The following DACH1 variants were observed in gnomAD, a reference collection of about 807,000 sequenced individuals.
DACH1 encodes dachshund homolog 1.
Under a neutral mutation model 54.2 loss-of-function variants are expected in DACH1, and 12 were observed. That is an observed-to-expected ratio of 0.22 (90% CI 0.14 to 0.36). The LOEUF (loss-of-function observed/expected upper bound fraction) is 0.36, where lower values mean the gene tolerates loss of function less well. Among genes scored for constraint, DACH1 ranks in the 10% least tolerant of loss-of-function variants. The pLI, the probability that DACH1 is intolerant of heterozygous loss-of-function variation, is 1.00. For synonymous variants in DACH1, 386 were observed against 366.2 expected (o/e 1.05, Z -0.62); for missense variants, 805 against 929.8 (o/e 0.87, Z 1.75).
Position 71,557,050 on chromosome 13 carries a change from T to G in DACH1, c.1544A>C (p.Glu515Ala). ...TTTTTCAATATGCATCCTTTTTGAC[T>G]CATGTCCCATGTCATGACCGGCCAA... The part of the protein sequence containing the change: ...GDLAGHDMGH[E>A]SKRMHIEKDE... The change falls in exon 6 of 11, where the codon GAG (glutamate) becomes GCG (alanine). Residue 515 changes from glutamate (E) to alanine (A), a missense_variant. Glu to Ala is a moderately radical substitution (Grantham distance 107). Coordinates refer to ENST00000613252, the MANE Select transcript of DACH1 (RefSeq NM_080759.6). 2 of 1,608,578 alleles carry G rather than the reference T, an allele frequency of 1.2e-6. No homozygotes were observed. The highest frequency in any genetic ancestry group is 1.7e-6 in the Non-Finnish European group (2 of 1,177,634).
intron 6 of DACH1, among the ~76,000 whole-genome samples, chr13:71,521,575 TA>T (rs1408602203): frequency 7.2e-5 from 11 of 152,066 alleles, no homozygotes; most frequent in Non-Finnish European, 1.0e-4. Context: ...AGGTAACTGT[TA>T]TTCCTATATG....
chr13:71,814,430 G>A (rs1887833416), intron 1 of DACH1, among the ~76,000 whole-genome samples: 1 of 152,138 alleles, frequency 6.6e-6, no homozygotes, highest in South Asian at 2.1e-4. Flanking sequence ...GGTATAAAGA[G>A]ATAATATTTT....
intron 2 of DACH1, among the ~76,000 whole-genome samples, chr13:71,672,441 G>A (rs1407707582): frequency 6.6e-6 from 1 of 152,046 alleles, no homozygotes; most frequent in African/African-American, 2.4e-5. Context: ...ACAAAGGACA[G>A]AGTAAAGTTC....
chr13:71,502,883 C>A (rs1253395357), intron 6 of DACH1, among the ~76,000 whole-genome samples: 1 of 152,212 alleles, frequency 6.6e-6, no homozygotes, highest in Non-Finnish European at 1.5e-5. Flanking sequence ...GACTACTTTG[C>A]TCTGATAAGC....
intron 1 of DACH1, among the ~76,000 whole-genome samples, chr13:71,864,214 C>CACACACACACACACACACA (rs35136330): frequency 8.8e-5 from 10 of 113,336 alleles, no homozygotes; most frequent in African/African-American, 3.7e-4. Flanking sequence ...CACACACACA[C>CACACACACACACACACACA]AACATTTACC....
intron 1 of DACH1, among the ~76,000 whole-genome samples, chr13:71,800,932 T>C (rs1467471241): frequency 6.6e-6 from 1 of 152,064 alleles, no homozygotes; most frequent in Non-Finnish European, 1.5e-5. Flanking sequence ...TAATATCCTG[T>C]GAACAAATTA....
chr13:71,860,202 G>A (rs745553488), intron 1 of DACH1, among the ~76,000 whole-genome samples: 2 of 150,526 alleles, frequency 1.3e-5, no homozygotes, highest in East Asian at 3.9e-4. Context: ...ATAATATGTA[G>A]TATTTAGACA....
At chr13:71,613,505 A>G (rs1167922381) in intron 3 of DACH1, among the ~76,000 whole-genome samples, 4 of 152,204 alleles carry the variant, frequency 2.6e-5, no homozygotes, top group Non-Finnish European at 5.9e-5. Context: ...GGATTTAAAA[A>G]GACAAGGAGT....
At chr13:71,629,787 C>T (rs551851465) in intron 3 of DACH1, among the ~76,000 whole-genome samples, 3 of 152,156 alleles carry the variant, frequency 2.0e-5, no homozygotes, top group South Asian at 4.2e-4. Context: ...TGAGCATGGT[C>T]ACTGTATTTT....
chr13:71,621,810 G>A (rs989107512), intron 3 of DACH1, among the ~76,000 whole-genome samples: 4 of 151,998 alleles, frequency 2.6e-5, no homozygotes, highest in East Asian at 3.9e-4. Flanking sequence ...AACCGTATCC[G>A]TTTCATTAGT....
Position 71,765,610 on chromosome 13 carries a change from T to C in DACH1, c.849-83700A>G, listed in dbSNP as rs145068506. 3.2e-3 allele frequency among the ~76,000 whole-genome samples: 482 copies of C among 152,262 alleles called. 1 individual carries two copies. The highest frequency in any genetic ancestry group is 0.01 in the African/African-American group (433 of 41,554). On this transcript the variant is annotated intron_variant, in intron 1 of 10. Coordinates refer to ENST00000613252, the MANE Select transcript of DACH1 (RefSeq NM_080759.6). ...ATAAATGAGAGCCATTATTATCTGG[T>C]TCCTGCCCATTTCTCCAGCCATCTT... is the stretch of plus-strand genomic sequence containing the variant.
chr13:71,558,357 G>T (rs553281570), intron 5 of DACH1, among the ~76,000 whole-genome samples: 1 of 152,004 alleles, frequency 6.6e-6, no homozygotes, highest in South Asian at 2.1e-4. Flanking sequence ...GTATGTGTGT[G>T]GATGTGGATG....
At chr13:71,612,695 A>C (rs536207798) in intron 3 of DACH1, among the ~76,000 whole-genome samples, 2 of 152,354 alleles carry the variant, frequency 1.3e-5, no homozygotes, top group East Asian at 3.9e-4. Context: ...AAGAATAAGT[A>C]AATGTAGACG....
intron 6 of DACH1, among the ~76,000 whole-genome samples, chr13:71,509,841 A>G (rs1193218846): frequency 6.6e-6 from 1 of 152,046 alleles, no homozygotes; most frequent in Non-Finnish European, 1.5e-5. Context: ...CGTTCCTTCT[A>G]ATTATTGTTC....
At chr13:71,622,012 A>G (rs2138544999) in intron 3 of DACH1, among the ~76,000 whole-genome samples, 1 of 152,106 alleles carries the variant, frequency 6.6e-6, no homozygotes, top group South Asian at 2.1e-4. Context: ...ATCTGGGTTC[A>G]TTTAGTGGGG....
chr13:71,744,372 T>C (rs964538607), intron 1 of DACH1, among the ~76,000 whole-genome samples: 1 of 152,166 alleles, frequency 6.6e-6, no homozygotes, highest in East Asian at 1.9e-4. Context: ...AAGAAAGACA[T>C]ACACAAACTA....
chr13:71,655,832 T>A (rs990361281), intron 2 of DACH1, among the ~76,000 whole-genome samples: 1 of 152,234 alleles, frequency 6.6e-6, no homozygotes, highest in Middle Eastern at 3.2e-3. Flanking sequence ...GTTGGTGTTT[T>A]AATTTTGTTC....
At chr13:71,797,397 G>A (rs1164117432) in intron 1 of DACH1, among the ~76,000 whole-genome samples, 1 of 152,070 alleles carries the variant, frequency 6.6e-6, no homozygotes, top group Non-Finnish European at 1.5e-5. Flanking sequence ...ATGGTAAGAT[G>A]ATACCCTTAA....
intron 1 of DACH1, among the ~76,000 whole-genome samples, chr13:71,819,492 G>T (rs965039184): frequency 2.0e-5 from 3 of 152,186 alleles, no homozygotes; most frequent in Non-Finnish European, 2.9e-5. Flanking sequence ...CCTGGTCTGG[G>T]ATTGACAGTC....
Sources: allele counts gnomAD v4.1 joint callset (sites outside exome capture counted in the v4.1 genomes callset), GRCh38; gene constraint gnomAD v4.1.1; transcripts MANE v1.5; gene names NCBI Gene and HGNC (gene_info 2026-07-23, HGNC 2026-07-21).